Variants in PUDP observed in about 807,000 individuals in gnomAD.
PUDP encodes pseudouridine-5'-phosphatase.
Under a neutral mutation model 9.4 loss-of-function variants are expected in PUDP, and 8 were observed. The observed-to-expected ratio is 0.85, with a 90% CI of 0.50 to 1.53. The LOEUF is 1.53. Ranked by LOEUF, PUDP falls within the 40% of genes most tolerant of loss-of-function variation. PUDP has a pLI of 0.00. For missense variants in PUDP, 188 were observed against 189.7 expected (o/e 0.99, Z 0.05); for synonymous variants, 99 against 80.7 (o/e 1.23, Z -1.22).
At position 7,050,482 on chromosome X, in the gene PUDP, G is replaced by A. The variant is rs771287708; in HGVS notation, c.511-10C>T. ...CTTCAAAGACAAGGCACTGTAGGAAGAAAAAGAAAGTCGAGATGGCCTTTT... is the reference window on the plus strand; with the variant it reads ...CTTCAAAGACAAGGCACTGTAGGAAAAAAAAGAAAGTCGAGATGGCCTTTT... On this transcript the variant is annotated splice_polypyrimidine_tract_variant and intron_variant, in intron 3 of 3. Coordinates refer to ENST00000381077, the MANE Select transcript of PUDP (RefSeq NM_012080.5). 5 of 1,202,076 alleles carry A rather than the reference G, an allele frequency of 4.2e-6. No homozygotes were observed. The African/African-American group carries it at 8.7e-5, about 21-fold the overall frequency.
chrX:6,861,881 A>T (rs997676571), intron 3 of PUDP, among the ~76,000 whole-genome samples: 1 of 111,592 alleles, frequency 9.0e-6, no homozygotes, highest in Non-Finnish European at 1.9e-5. Flanking sequence ...TCCCTTTTCC[A>T]GTGTCTGAGG....
intron 3 of PUDP, among the ~76,000 whole-genome samples, chrX:6,954,599 C>A (rs1928600023): frequency 8.9e-6 from 1 of 111,870 alleles, no homozygotes; most frequent in Non-Finnish European, 1.9e-5. Context: ...CACAAAACTA[C>A]CCTGTTTTAA....
At chrX:7,055,244 A>C (rs1156241705) in intron 3 of PUDP, among the ~76,000 whole-genome samples, 1 of 109,908 alleles carries the variant, frequency 9.1e-6, no homozygotes, top group Admixed American at 9.7e-5. Flanking sequence ...AGGTTTATTT[A>C]TTTTCTTTTT....
intron 1 of PUDP, among the ~76,000 whole-genome samples, chrX:7,017,633 T>C (rs1409000227): frequency 1.8e-5 from 2 of 112,259 alleles, no homozygotes; most frequent in Admixed American, 9.4e-5. Context: ...CTCAGAGTTC[T>C]TCCTAGAATT....
chrX:6,886,284 T>G (rs924972312), intron 3 of PUDP, among the ~76,000 whole-genome samples: 6 of 112,405 alleles, frequency 5.3e-5, no homozygotes, highest in Middle Eastern at 4.6e-3. Flanking sequence ...ACACAAAATT[T>G]TTCACAAGGC....
chrX:7,144,303 T>C (rs1314522401), intron 1 of PUDP, among the ~76,000 whole-genome samples: 2 of 112,439 alleles, frequency 1.8e-5, no homozygotes, highest in Non-Finnish European at 3.8e-5. Context: ...ACAACATACA[T>C]AGATTCTTCT....
rs201881822 is a variant in PUDP, at chrX:6,903,954, TTA to T, written c.*247+73177_*247+73178del. Reference sequence around the variant, plus strand: ...CCAAGTTTAAAAAATATATATATATTTATTTTTTTTTTTTTGAGATGGAGTCT... The same window carrying T: ...CCAAGTTTAAAAAATATATATATATTTTTTTTTTTTTTTGAGATGGAGTCT... On this transcript the variant is annotated intron_variant and NMD_transcript_variant, in intron 3 of 3. Transcript: ENST00000655425. Among the ~76,000 whole-genome samples, 9 of 98,861 alleles carry T rather than the reference TTA, an allele frequency of 9.1e-5. No individual in the cohort carries two copies. In the East Asian group the frequency reaches 9.8e-4, roughly 11 times the overall value. 85.8% of individuals were successfully genotyped at this position (98,861 alleles called of 115,157 possible). A position where few individuals can be genotyped will look rare whatever the true frequency, so the allele number is the denominator to read the frequency against.
intron 3 of PUDP, among the ~76,000 whole-genome samples, chrX:6,839,403 A>G (rs1306936441): frequency 9.0e-6 from 1 of 111,242 alleles, no homozygotes; most frequent in African/African-American, 3.3e-5. Context: ...TGTCTTTGCC[A>G]AAAGAGGAGC....
chrX:7,012,206 T>C lies in PUDP; in HGVS notation c.205-33863A>G, dbSNP rs370509972. 8.7e-4 allele frequency among the ~76,000 whole-genome samples: 98 copies of C among 112,046 alleles called. 2 individuals carry two copies. The highest frequency in any genetic ancestry group is 4.6e-3 in the Middle Eastern group (1 of 218). On this transcript the variant is annotated intron_variant and NMD_transcript_variant, in intron 1 of 3. Transcript: ENST00000655425. ...TTCCTTTGTGAGAAAATGGGGATAA[T>C]AGATACCCCTGAGCCATTCTGGAGA...
intron 2 of PUDP, 118 bp downstream of exon 2, chrX:7,105,502 T>C: frequency 2.0e-6 from 1 of 499,312 alleles, no homozygotes; most frequent in Non-Finnish European, 3.3e-6. Context: ...GGACTTAGTT[T>C]AGATACTGAA....
At chrX:7,092,518 G>A (rs1390724092) in intron 2 of PUDP, among the ~76,000 whole-genome samples, 2 of 111,662 alleles carry the variant, frequency 1.8e-5, no homozygotes, top group Non-Finnish European at 3.8e-5. Context: ...AGGAGTTTCT[G>A]TTGATGGTGT....
At chrX:7,128,703 G>C (rs1261629841) in intron 1 of PUDP, among the ~76,000 whole-genome samples, 4 of 111,736 alleles carry the variant, frequency 3.6e-5, no homozygotes, top group African/African-American at 1.3e-4. Context: ...TGTGAATATG[G>C]GAGTGAATAA....
intron 1 of PUDP, among the ~76,000 whole-genome samples, chrX:7,027,463 T>C (rs1367415140): frequency 1.9e-5 from 2 of 106,142 alleles, no homozygotes; most frequent in Non-Finnish European, 3.9e-5. Flanking sequence ...CATATATATG[T>C]GTGTGTGTGT....
At chrX:7,106,008 T>C (rs2146898688) in intron 1 of PUDP, among the ~76,000 whole-genome samples, 170 bp from the exon 2 acceptor site, 1 of 112,000 alleles carries the variant, frequency 8.9e-6, no homozygotes, top group East Asian at 2.8e-4. Context: ...TAAATTATAC[T>C]ATGGGCAGCC....
At position 7,017,360 on chromosome X, in the gene PUDP, C is replaced by A. The variant is rs140016089; in HGVS notation, c.205-39017G>T. Among the ~76,000 whole-genome samples, 253 of 111,941 alleles carry A rather than the reference C, an allele frequency of 2.3e-3. 7 individuals carry two copies. In the East Asian group the frequency reaches 0.063, roughly 28 times the overall value. On this transcript the variant is annotated intron_variant and NMD_transcript_variant, in intron 1 of 3. Coordinates refer to the PUDP transcript ENST00000655425. ...ATGACCATAAAGTCTGTGTATTTCA[C>A]AGCCCATGAGAGCAGCATCCTGAGA...
chrX:6,754,028 T>C (rs1420150296), intron 3 of PUDP, among the ~76,000 whole-genome samples: 4 of 111,940 alleles, frequency 3.6e-5, no homozygotes, highest in Non-Finnish European at 7.5e-5. Flanking sequence ...TGCTTTTGAG[T>C]TCTTGGTCAT....
chrX:6,787,429 G>A lies in PUDP; in HGVS notation c.*248-80963C>T, dbSNP rs151258110. ...ATCTCTATTTAGGCAGACACCCAGCGAAGAGGGTCGTTGCTATGCCATTGC... is the reference window on the plus strand; with the variant it reads ...ATCTCTATTTAGGCAGACACCCAGCAAAGAGGGTCGTTGCTATGCCATTGC... On this transcript the variant is annotated intron_variant and NMD_transcript_variant, in intron 3 of 3. Coordinates refer to the PUDP transcript ENST00000655425. 1.4e-3 allele frequency among the ~76,000 whole-genome samples: 152 copies of A among 112,178 alleles called. 1 individual carries two copies. The East Asian group carries it at 0.023, about 17-fold the overall frequency.
At chrX:6,743,730 A>G (rs372188178) in intron 3 of PUDP, among the ~76,000 whole-genome samples, 1 of 111,611 alleles carries the variant, frequency 9.0e-6, no homozygotes, top group East Asian at 2.8e-4. Context: ...TAAATCATCC[A>G]AACACAAACC....
At chrX:6,823,452 C>T (rs1412505556) in intron 3 of PUDP, among the ~76,000 whole-genome samples, 3 of 111,806 alleles carry the variant, frequency 2.7e-5, no homozygotes, top group African/African-American at 9.8e-5. Flanking sequence ...TTTACCATCT[C>T]TTCTCTCTGA....
Sources: gnomAD v4.1 joint callset for allele counts (sites outside exome capture counted in the v4.1 genomes callset) on GRCh38, gnomAD v4.1.1 for gene constraint, MANE v1.5 for transcripts, NCBI Gene and HGNC (gene_info 2026-07-23, HGNC 2026-07-21) for gene names.